Variants in NEBL observed in about 807,000 individuals in gnomAD.
The protein encoded by NEBL is nebulette.
In NEBL, 122 loss-of-function variants were observed where a neutral mutation model predicts 140.2. The ratio of observed to expected loss-of-function variants is 0.87; its 90% CI spans 0.75 to 1.01. NEBL has a LOEUF of 1.01. Ranked by LOEUF, NEBL falls within the 50% of genes least tolerant of loss-of-function variation. NEBL has a pLI of 0.00. For synonymous variants in NEBL, 436 were observed against 398.9 expected (o/e 1.09, Z -1.11); for missense variants, 1,365 against 1,231.3 (o/e 1.11, Z -1.62).
At chr10:20,967,680 A>T (rs938118649) in intron 3 of NEBL, among the ~76,000 whole-genome samples, 6 of 151,690 alleles carry the variant, frequency 4.0e-5, no homozygotes, top group Admixed American at 3.3e-4. Context: ...AGGGGGCTTG[A>T]TAACAACTTT....
intron 2 of NEBL, among the ~76,000 whole-genome samples, chr10:21,155,677 A>G (rs980351851): frequency 2.0e-5 from 3 of 152,238 alleles, no homozygotes; most frequent in Admixed American, 2.0e-4. Context: ...CTGCATTGCT[A>G]CAGCTCAAAC....
chr10:20,881,561 A>G (rs1846017919), intron 4 of NEBL, among the ~76,000 whole-genome samples: 2 of 152,192 alleles, frequency 1.3e-5, no homozygotes, highest in South Asian at 4.1e-4. Flanking sequence ...AGAAGAACCT[A>G]AAGACAGCAA....
At chr10:20,939,053 G>A (rs1375033267) in intron 4 of NEBL, among the ~76,000 whole-genome samples, 2 of 152,114 alleles carry the variant, frequency 1.3e-5, no homozygotes, top group African/African-American at 4.8e-5. Flanking sequence ...ATCTAGCAAG[G>A]CAGGCCAACA....
At chr10:20,941,246 G>T (rs551988898) in intron 4 of NEBL, among the ~76,000 whole-genome samples, 7 of 152,332 alleles carry the variant, frequency 4.6e-5, no homozygotes, top group South Asian at 2.1e-4. Flanking sequence ...CCATGATCAA[G>T]TGGGCTTCAT....
intron 9 of NEBL, among the ~76,000 whole-genome samples, chr10:20,856,039 ATACAGCTT>A (rs1458963021): frequency 5.9e-5 from 9 of 152,226 alleles, no homozygotes; most frequent in African/African-American, 2.2e-4. Context: ...GAGCAAATGT[ATACAGCTT>A]TATACAATGT....
intron 3 of NEBL, among the ~76,000 whole-genome samples, chr10:21,212,477 C>T (rs1253071970): frequency 6.6e-6 from 1 of 152,150 alleles, no homozygotes; most frequent in Non-Finnish European, 1.5e-5. Flanking sequence ...AGGCAAGCAA[C>T]GGCTGAAAAG....
At chr10:20,826,168 A>C (rs998164318) in intron 18 of NEBL, among the ~76,000 whole-genome samples, 7 of 152,210 alleles carry the variant, frequency 4.6e-5, no homozygotes, top group African/African-American at 1.7e-4. Context: ...TAGAGTTAAA[A>C]TTCTCTTCAA....
chr10:20,792,871 C>G (rs1383860505), intron 26 of NEBL, among the ~76,000 whole-genome samples: 1 of 151,874 alleles, frequency 6.6e-6, no homozygotes, highest in Non-Finnish European at 1.5e-5. Context: ...GGTTATAACA[C>G]ACGGCCATGG....
intron 2 of NEBL, among the ~76,000 whole-genome samples, chr10:21,031,053 G>A (rs1833757896): frequency 6.6e-6 from 1 of 152,242 alleles, no homozygotes; most frequent in Non-Finnish European, 1.5e-5. Flanking sequence ...CAGAGTAGTA[G>A]AAAGAATGAA....
chr10:21,011,917 C>T (rs1428163612), intron 3 of NEBL, among the ~76,000 whole-genome samples: 1 of 152,222 alleles, frequency 6.6e-6, no homozygotes, highest in Non-Finnish European at 1.5e-5. Flanking sequence ...CAGCTGCCAT[C>T]GCCTTCCACA....
At chr10:20,920,569 A>G (rs1833534342) in intron 4 of NEBL, among the ~76,000 whole-genome samples, 1 of 152,230 alleles carries the variant, frequency 6.6e-6, no homozygotes, top group Admixed American at 6.5e-5. Context: ...TTAAGAGATG[A>G]AAGAATATAT....
intron 26 of NEBL, among the ~76,000 whole-genome samples, chr10:20,789,925 GTGTATA>G (rs1835795187): frequency 6.7e-6 from 1 of 149,856 alleles, no homozygotes; most frequent in Non-Finnish European, 1.5e-5. Flanking sequence ...ATATATGTGT[GTGTATA>G]TGTGTATATA....
chr10:21,112,826 A>G (rs905426703), intron 2 of NEBL: 8 of 219,436 alleles, frequency 3.6e-5, no homozygotes, highest in African/African-American at 1.8e-4. Context: ...TACACCACCC[A>G]GTCTTACAGT....
chr10:20,824,011 G>A lies in NEBL; in HGVS notation c.1870-711C>T, dbSNP rs191637714. 7.2e-5 allele frequency among the ~76,000 whole-genome samples: 11 copies of A among 152,238 alleles called. No individual in the cohort carries two copies. The East Asian group carries it at 1.4e-3, about 19-fold the overall frequency. On this transcript the variant is annotated intron_variant, in intron 18 of 27. Transcript: ENST00000377122. Reference sequence around the variant, plus strand: ...AAATCTCCCCCATCACATATATTTAGAGGAAGATCAATCAGGCAAATGGTA... The same window carrying A: ...AAATCTCCCCCATCACATATATTTAAAGGAAGATCAATCAGGCAAATGGTA...
At chr10:21,164,903 T>G (rs1176296060) in intron 2 of NEBL, among the ~76,000 whole-genome samples, 1 of 152,248 alleles carries the variant, frequency 6.6e-6, no homozygotes, top group African/African-American at 2.4e-5. Flanking sequence ...AGGTTTAATT[T>G]TTTCCATGAG....
rs1370435165 is a variant in NEBL, at chr10:20,897,156, T to C, written c.50A>G (p.Lys17Arg). ...TTCTTCATTTTCTTCTTCCCCTATC[T>C]TTTCTTCTTCAGTTTCATCTTTTAT... is the stretch of plus-strand genomic sequence containing the variant. ...EDIKDETEEE[K>R]IGEEENEEDQ... is the part of the protein sequence containing the mutation. Residue 17 changes from lysine to arginine, a missense_variant, in exon 1 of 28, where the codon AAG becomes AGG. By Grantham distance (26) the Lys-to-Arg change is conservative (BLOSUM62 2). This residue lies in a region of NEBL where 1,323 missense variants were observed against 1,154.8 expected (regional missense o/e 1.15). Coordinates refer to ENST00000377122, the MANE Select transcript of NEBL (RefSeq NM_006393.3). 6.2e-7 allele frequency: 1 copy of C among 1,606,894 alleles called. No individual in the cohort carries two copies. Among genetic ancestry groups the C allele is most frequent in the East Asian group, 2.2e-5 (1 of 44,852 alleles).
intron 3 of NEBL, among the ~76,000 whole-genome samples, chr10:21,185,816 C>A (rs1178260989): frequency 6.6e-6 from 1 of 152,166 alleles, no homozygotes; most frequent in African/African-American, 2.4e-5. Flanking sequence ...CCCCCTTTTC[C>A]TCAGACCCTG....
At chr10:20,937,512 G>C (rs1003646198) in intron 4 of NEBL, among the ~76,000 whole-genome samples, 16 of 152,088 alleles carry the variant, frequency 1.1e-4, no homozygotes, top group Non-Finnish European at 8.8e-5. Context: ...CCCAGTGTGA[G>C]TGACGCAGAA....
chr10:21,191,390 A>T (rs1841571241), intron 3 of NEBL, among the ~76,000 whole-genome samples: 1 of 152,248 alleles, frequency 6.6e-6, no homozygotes, highest in Admixed American at 6.5e-5. Context: ...TAAGGCAAGA[A>T]TCTGGATTTT....
Sources: allele counts gnomAD v4.1 joint callset (sites outside exome capture counted in the v4.1 genomes callset), GRCh38; gene constraint gnomAD v4.1.1; regional missense constraint gnomAD v4.1.1; transcripts MANE v1.5; gene names NCBI Gene and HGNC (gene_info 2026-07-23, HGNC 2026-07-21).